Variants in QTRT1 observed in about 807,000 individuals in gnomAD.
The protein encoded by QTRT1 is TGT, 43-KD subunit.
Under a neutral mutation model 44.0 loss-of-function variants are expected in QTRT1, and 41 were observed. The ratio of observed to expected loss-of-function variants is 0.93; its 90% CI spans 0.73 to 1.21. The LOEUF (loss-of-function observed/expected upper bound fraction) is 1.21, where lower values mean the gene tolerates loss of function less well. QTRT1 is among the 50% of genes most tolerant of loss of function. The pLI is 0.00. For synonymous variants in QTRT1, 226 were observed against 237.1 expected, an observed-to-expected ratio of 0.95 and a Z score of 0.43; for missense variants, 542 against 575.8, an observed-to-expected ratio of 0.94 and a Z score of 0.60.
chr19:10,711,227 A>T (rs2068737524), intron 5 of QTRT1: 1 of 152,440 alleles, frequency 6.6e-6, no homozygotes. Flanking sequence ...GCTGGAGTGC[A>T]GTCATCTGAT....
rs761526318 is a variant in QTRT1, at chr19:10,701,513, G to A, written c.53G>A (p.Arg18Gln). 43 of 1,591,794 alleles carry A rather than the reference G, an allele frequency of 2.7e-5. No homozygotes were observed. The African/African-American group carries it at 3.9e-4, about 14-fold the overall frequency. The change falls in exon 1 of 10, where the codon CGG becomes CAG. Residue 18 changes from arginine (R) to glutamine (Q), a missense_variant. Physicochemically the swap from Arg to Gln is conservative, Grantham distance 43. Transcript: ENST00000250237. The part of the protein sequence containing the change: ...ASLESAPRIM[R>Q]LVAECSRSRA... ...CTGGAGTCGGCCCCACGGATCATGC[G>A]GCTGGTGGCCGAATGCAGCCGCTCC...
chr19:10,704,189 G>A (rs771187387), intron 3 of QTRT1, among the ~76,000 whole-genome samples: 2 of 152,022 alleles, frequency 1.3e-5, no homozygotes, highest in Non-Finnish European at 2.9e-5. Context: ...CATTATCTGG[G>A]CTGGTCTTGA....
rs779690760 is a variant in QTRT1 at position 10,712,679 on chromosome 19, G to A, written c.861+51G>A. 1 of 964,900 alleles carries A rather than the reference G, an allele frequency of 1.0e-6. No individual in the cohort carries two copies. The highest frequency in any genetic ancestry group is 1.3e-5 in the South Asian group (1 of 79,552). 59.8% of individuals were successfully genotyped at this position (964,900 alleles called of 1,614,324 possible). A position where few individuals can be genotyped will look rare whatever the true frequency, so the allele number is the denominator to read the frequency against. ...GGGCGGGAGACGGGTGGGGGACTAG[G>A]GAGGCAAGGTTAGGGGTGGGGGGTG... On this transcript the variant is annotated intron_variant, in intron 7 of 9. Transcript: ENST00000250237. The surrounding 1 kb of genome is among the most constrained non-coding windows in gnomAD (Gnocchi z 5.6).
chr19:10,707,502 C>A lies in QTRT1; in HGVS notation c.533C>A (p.Ser178Ter). The change falls in exon 5 of 10, where the codon TCA becomes TAA. Residue 178 changes from serine (S) to a stop codon, truncating the protein, a stop_gained and splice_region_variant. Transcript: ENST00000250237. LOFTEE classifies it high-confidence loss of function. ...TTGTGACTGGGGCCCTGTTGCAGGT[C>A]AATCCGCTGGCTGGACCGGTGCATT... ...GPRVEEAMYR[S>*]IRWLDRCIAA... 6.2e-7 allele frequency: 1 copy of A among 1,611,424 alleles called. No individual in the cohort carries two copies.
Position 10,713,314 on chromosome 19 carries a change from C to CCTGGCAT in QTRT1, c.*44_*45insCTGGCAT. On this transcript the variant is annotated 3_prime_UTR_variant, in exon 10 of 10. Coordinates refer to ENST00000250237, the MANE Select transcript of QTRT1 (RefSeq NM_031209.3). This position sits in a 1 kb window ranked among gnomAD's most constrained non-coding sequence, Gnocchi z 4.3. ...AGGGAGGAAGGAAGGGAGGGAGGGG[C>CCTGGCAT]TGGAAGATACTGAAGGATTCCTTTT... The CCTGGCAT allele has an allele frequency of 6.4e-7, 1 of 1,565,970 alleles. No homozygotes were observed. Among genetic ancestry groups the CCTGGCAT allele is most frequent in the Non-Finnish European group, 8.7e-7 (1 of 1,154,684 alleles).
chr19:10,707,401 T>C (rs1160367381), intron 4 of QTRT1, 21 bp downstream of exon 4: 2 of 1,612,804 alleles, frequency 1.2e-6, no homozygotes, highest in Non-Finnish European at 1.7e-6. Flanking sequence ...GCTGTGTGCA[T>C]GTGTGGGATA....
chr19:10,709,848 C>CA (rs771309919), intron 5 of QTRT1, among the ~76,000 whole-genome samples: 85 of 119,882 alleles, frequency 7.1e-4, no homozygotes, highest in South Asian at 1.8e-3. Flanking sequence ...GACTCCATCT[C>CA]AAAAAAAAAA....
In QTRT1 at chr19:10,712,346, T is replaced by G. The variant is rs2068742783; in HGVS notation, c.785+47T>G. 2.5e-6 allele frequency: 4 copies of G among 1,576,824 alleles called. No homozygotes were observed. The highest frequency in any genetic ancestry group is 3.4e-6 in the Non-Finnish European group (4 of 1,160,928). On this transcript the variant is annotated intron_variant, in intron 6 of 9. Transcript: ENST00000250237. This position sits in a 1 kb window ranked among gnomAD's most constrained non-coding sequence, Gnocchi z 5.6. ...CAGAGCCCTACCTGTGGGAAGTGGA[T>G]TCCTGGGGACCCCCTACCCTGCTTG... is the stretch of plus-strand genomic sequence containing the variant.
In QTRT1 at chr19:10,706,016, G is replaced by A. The variant is rs148685002; in HGVS notation, c.452-1286G>A. On this transcript the variant is annotated intron_variant, in intron 3 of 9. Transcript: ENST00000250237. ...ACTACAGGTGACCGCCACCACGCCC[G>A]GCTAATTTTTTGTATTTTTAGCAGA... is the stretch of plus-strand genomic sequence containing the variant. 5.5e-3 allele frequency among the ~76,000 whole-genome samples: 836 copies of A among 151,384 alleles called. 12 individuals carry two copies. The highest frequency in any genetic ancestry group is 0.019 in the African/African-American group (790 of 41,250).
chr19:10,711,921 A>G (rs889874348), intron 5 of QTRT1: 2 of 597,410 alleles, frequency 3.3e-6, no homozygotes, highest in African/African-American at 1.9e-5. Context: ...CAGGCACTCA[A>G]TAAATGTTAG....
intron 3 of QTRT1, chr19:10,706,670 T>G (rs1359038512): frequency 7.7e-6 from 1 of 130,384 alleles, no homozygotes; most frequent in Non-Finnish European, 1.6e-5. Context: ...ATCGCGCCTG[T>G]TTTTTTTTTT....
intron 3 of QTRT1, among the ~76,000 whole-genome samples, chr19:10,702,894 C>T (rs370903259): frequency 2.7e-4 from 40 of 147,610 alleles, no homozygotes; most frequent in African/African-American, 9.7e-4. Context: ...CTCAGCCTCC[C>T]GAGTAGCTGG....
At position 10,701,992 on chromosome 19, in the gene QTRT1, A is replaced by G; in HGVS notation, c.286A>G (p.Met96Val). ...IQKANGLHGF[M>V]NWPHNLLTDS... ...GAAAGCCAACGGTCTCCACGGCTTC[A>G]TGAATTGGCCTCATAATCTGCTAAC... The change falls in exon 2 of 10, where the codon ATG becomes GTG. Residue 96 changes from methionine to valine, a missense_variant. Physicochemically the swap from Met to Val is conservative, Grantham distance 21. Coordinates refer to ENST00000250237, the MANE Select transcript of QTRT1 (RefSeq NM_031209.3). 1 of 1,614,198 alleles carries G rather than the reference A, an allele frequency of 6.2e-7. No individual in the cohort carries two copies. The highest frequency in any genetic ancestry group is 8.5e-7 in the Non-Finnish European group (1 of 1,180,022).
intron 3 of QTRT1, among the ~76,000 whole-genome samples, chr19:10,704,917 T>C (rs1047868045): frequency 5.4e-4 from 65 of 119,298 alleles, no homozygotes; most frequent in African/African-American, 2.4e-3. Flanking sequence ...AATGTCGTAA[T>C]TTTTTTTTTT....
At chr19:10,708,490 C>T (rs1361314581) in intron 5 of QTRT1, among the ~76,000 whole-genome samples, 1 of 152,154 alleles carries the variant, frequency 6.6e-6, no homozygotes, top group Non-Finnish European at 1.5e-5. Context: ...ACAACGACAA[C>T]AACCCGTGCG....
At chr19:10,705,957 A>G (rs1303587737) in intron 3 of QTRT1, among the ~76,000 whole-genome samples, 1 of 134,560 alleles carries the variant, frequency 7.4e-6, no homozygotes, top group Non-Finnish European at 1.5e-5. Context: ...CCGGGTGCAC[A>G]CCATTCTCCT....
intron 5 of QTRT1, among the ~76,000 whole-genome samples, chr19:10,710,041 C>G (rs1167033101): frequency 6.6e-6 from 1 of 151,842 alleles, no homozygotes; most frequent in East Asian, 1.9e-4. Flanking sequence ...AATTAGCACG[C>G]AAGCATGGGA....
intron 5 of QTRT1, 24 bp downstream of exon 5, chr19:10,707,639 C>T: frequency 1.3e-6 from 2 of 1,550,952 alleles, no homozygotes; most frequent in South Asian, 1.2e-5. Flanking sequence ...CTGGCAGGCC[C>T]AGGGCTTGGC....
At chr19:10,706,038 C>T (rs12978496) in intron 3 of QTRT1, among the ~76,000 whole-genome samples, 109,444 of 150,784 alleles carry the variant, frequency 0.73, 40,460 homozygotes, top group African/African-American at 0.87. Flanking sequence ...GTATTTTTAG[C>T]AGAGACAGGG....
Sources: gnomAD v4.1 joint callset for allele counts (sites outside exome capture counted in the v4.1 genomes callset) on GRCh38, gnomAD v4.1.1 for gene constraint, Gnocchi (gnomAD v3.1) non-coding constraint, MANE v1.5 for transcripts, NCBI Gene and HGNC (gene_info 2026-07-23, HGNC 2026-07-21) for gene names.